Variants in CPLANE1 observed in about 807,000 individuals in gnomAD.
CPLANE1 encodes ciliogenesis and planar polarity effector 1.
CPLANE1 carries 263 observed loss-of-function variants against 362.5 expected under a neutral mutation model. That is an observed-to-expected ratio of 0.73 (90% CI 0.66 to 0.80). The LOEUF (loss-of-function observed/expected upper bound fraction) is 0.80, where lower values mean the gene tolerates loss of function less well. Ranked by LOEUF, CPLANE1 falls within the 30% of genes least tolerant of loss-of-function variation. CPLANE1 has a pLI of 0.00. For synonymous variants in CPLANE1, 1,212 were observed against 1,302.6 expected, an observed-to-expected ratio of 0.93 and a Z score of 1.50; for missense variants, 3,461 against 3,793.4, an observed-to-expected ratio of 0.91 and a Z score of 2.30.
chr5:37,194,735 T>A (rs1786762235), intron 21 of CPLANE1, among the ~76,000 whole-genome samples: 1 of 149,858 alleles, frequency 6.7e-6, no homozygotes, highest in Non-Finnish European at 1.5e-5. Context: ...ACAGGTACAA[T>A]CATTGCACAC....
At chr5:37,229,210 C>T (rs1426547791) in intron 9 of CPLANE1, among the ~76,000 whole-genome samples, 3 of 140,236 alleles carry the variant, frequency 2.1e-5, no homozygotes, top group African/African-American at 8.2e-5. Flanking sequence ...GAGTGAGACT[C>T]GGTCTCAAAA....
At chr5:37,096,023 G>A in the CPLANE1 span, among the ~76,000 whole-genome samples, 1 of 152,028 alleles carries the variant, frequency 6.6e-6, no homozygotes, top group Non-Finnish European at 1.5e-5. Flanking sequence ...TAAAAATTCA[G>A]TGCAGTTCCC....
Position 37,122,536 on chromosome 5 carries a change from T to C in CPLANE1, c.8959-48A>G. 4.3e-6 allele frequency: 6 copies of C among 1,404,182 alleles called. No individual in the cohort carries two copies. In the South Asian group the frequency reaches 6.1e-5, roughly 14 times the overall value. The allele number at this position is 1,404,182 out of a possible 1,614,324, so 87.0% of individuals were successfully genotyped here. A position where few individuals can be genotyped will look rare whatever the true frequency, so the allele number is the denominator to read the frequency against. On this transcript the variant is annotated intron_variant, in intron 47 of 52. Coordinates refer to ENST00000651892, the MANE Select transcript of CPLANE1 (RefSeq NM_001384732.1). ...GTTCATTATTGTTCAATCCAAATAA[T>C]TAAACCATTACACATAATTCTGTTA...
In CPLANE1 at chr5:37,239,695, A is replaced by G. The variant is rs1331667111; in HGVS notation, c.834+18T>C. 2.1e-6 allele frequency: 3 copies of G among 1,427,702 alleles called. No homozygotes were observed. Among genetic ancestry groups the G allele is most frequent in the Non-Finnish European group, 2.8e-6 (3 of 1,079,892 alleles). 88.4% of individuals were successfully genotyped at this position (1,427,702 alleles called of 1,614,324 possible). ...TCCTTCTTTTATAGATTACTTTCTA[A>G]GACAGATATTTACTGACCTTGGGGT... On this transcript the variant is annotated intron_variant, in intron 7 of 52. Transcript: ENST00000651892.
chr5:37,120,501 T>A (rs2150069989), intron 49 of CPLANE1, among the ~76,000 whole-genome samples, 161 bp from the exon 50 acceptor site: 1 of 151,868 alleles, frequency 6.6e-6, no homozygotes. Context: ...ACCCAGAGAG[T>A]CGAGGCTGTG....
chr5:37,157,193 T>C, intron 41 of CPLANE1, 120 bp downstream of exon 41: 1 of 386,024 alleles, frequency 2.6e-6, no homozygotes. Context: ...CTTGCCCCCA[T>C]GCTCCTTAGC....
intron 16 of CPLANE1, 74 bp from the exon 17 acceptor site, chr5:37,206,499 T>C (rs1790781955): frequency 1.0e-6 from 1 of 952,776 alleles, no homozygotes; most frequent in Non-Finnish European, 1.6e-6. Context: ...GGCATATTTA[T>C]CTCTTCAATC....
At chr5:37,187,237 T>A (rs977298423) in intron 23 of CPLANE1, among the ~76,000 whole-genome samples, 177 bp downstream of exon 23, 1 of 152,138 alleles carries the variant, frequency 6.6e-6, no homozygotes, top group Non-Finnish European at 1.5e-5. Context: ...GAGTTTAACA[T>A]TTTTATATTC....
At chr5:37,162,326 T>C (rs566729907) in intron 38 of CPLANE1, 139 bp downstream of exon 38, 11 of 603,662 alleles carry the variant, frequency 1.8e-5, no homozygotes, top group African/African-American at 1.7e-4. Context: ...ATACCAAGAC[T>C]GGAAAGAAAA....
At chr5:37,142,602 G>A (rs1770117584) in intron 43 of CPLANE1, 122 bp from the exon 44 acceptor site, 1 of 583,310 alleles carries the variant, frequency 1.7e-6, no homozygotes, top group African/African-American at 1.9e-5. Flanking sequence ...CACATATTAT[G>A]CTAATAGCTT....
At chr5:37,177,563 C>A (rs2151064244) in intron 30 of CPLANE1, 58 bp downstream of exon 30, 1 of 1,265,334 alleles carries the variant, frequency 7.9e-7, no homozygotes. Context: ...AGGAAAAAAG[C>A]TGAAAGCTTC....
chr5:37,176,235 A>G, intron 30 of CPLANE1: 2 of 349,618 alleles, frequency 5.7e-6, no homozygotes. Flanking sequence ...AGCAATGAAA[A>G]CAACAGAACC....
At chr5:37,139,163 AG>A (rs1276923655) in intron 45 of CPLANE1, among the ~76,000 whole-genome samples, 176 bp downstream of exon 45, 7 of 152,196 alleles carry the variant, frequency 4.6e-5, no homozygotes, top group African/African-American at 1.7e-4. Flanking sequence ...GTGCTAAAAC[AG>A]TAAGAGATAT....
intron 41 of CPLANE1, among the ~76,000 whole-genome samples, chr5:37,155,227 C>T (rs1233638838): frequency 6.6e-6 from 1 of 152,216 alleles, no homozygotes; most frequent in Non-Finnish European, 1.5e-5. Context: ...CCAATACCTT[C>T]ACCTTAAAAG....
chr5:37,111,189 C>T (rs1259021692), intron 51 of CPLANE1, among the ~76,000 whole-genome samples: 2 of 147,210 alleles, frequency 1.4e-5, no homozygotes, highest in South Asian at 4.4e-4. Context: ...GGCATGATCT[C>T]GGCTCACTGC....
rs901146612 is a variant in CPLANE1, at chr5:37,224,608, C to T, written c.2424G>A (p.Leu808=). The change falls in exon 13 of 53, where the codon CTG becomes CTA. Residue 808 remains leucine (L), a synonymous_variant. Transcript: ENST00000651892. ...MTHEASTVKS[L]LCHLQANLQS... is the part of the protein sequence containing the mutation. ...GTAGGTTAGCCTGCAAATGACATAA[C>T]AGGGACTTGACAGTAGATGCTTCAT... is the stretch of plus-strand genomic sequence containing the variant. 3.9e-6 allele frequency: 6 copies of T among 1,551,440 alleles called. No homozygotes were observed. The highest frequency in any genetic ancestry group is 5.2e-6 in the Non-Finnish European group (6 of 1,146,806).
At chr5:37,126,777 G>A (rs765659187) in intron 46 of CPLANE1, among the ~76,000 whole-genome samples, 4 of 152,130 alleles carry the variant, frequency 2.6e-5, no homozygotes, top group East Asian at 1.9e-4. Context: ...TGGGACAGTC[G>A]TGAATTCAAG....
Position 37,157,357 on chromosome 5 carries a change from G to T in CPLANE1, c.8075C>A (p.Pro2692His). 7.2e-7 allele frequency: 1 copy of T among 1,392,722 alleles called. No homozygotes were observed. Among genetic ancestry groups the T allele is most frequent in the East Asian group, 3.9e-5 (1 of 25,436 alleles). 86.3% of individuals were successfully genotyped at this position (1,392,722 alleles called of 1,614,324 possible). Residue 2692 changes from proline (P) to histidine (H), a missense_variant, in exon 41 of 53, where the codon CCT becomes CAT. Coordinates refer to ENST00000651892, the MANE Select transcript of CPLANE1 (RefSeq NM_001384732.1). Reference protein sequence around the residue: ...LRAGITEVKEPSVTSPTPSDI... With the variant: ...LRAGITEVKEHSVTSPTPSDI... ...TGATGGTGTAGGTGAGGTGACACTA[G>T]GCTCCTTCACTTCTGTAATGCCTGC...
At chr5:37,164,246 C>T in intron 37 of CPLANE1, 27 bp downstream of exon 37, 1 of 1,545,776 alleles carries the variant, frequency 6.5e-7, no homozygotes, top group South Asian at 1.1e-5. Context: ...TAAACTTAGA[C>T]ATTACATTAA....
Sources: allele counts gnomAD v4.1 joint callset (sites outside exome capture counted in the v4.1 genomes callset), GRCh38; gene constraint gnomAD v4.1.1; transcripts MANE v1.5; gene names NCBI Gene and HGNC (gene_info 2026-07-23, HGNC 2026-07-21).